ADAMTS16: variants seen among roughly 807,000 people sequenced by gnomAD.
The protein encoded by ADAMTS16 is A disintegrin and metalloproteinase with thrombospondin motifs 16.
ADAMTS16 carries 94 observed loss-of-function variants against 145.8 expected under a neutral mutation model. The observed-to-expected ratio is 0.64, with a 90% CI of 0.55 to 0.77. The LOEUF (loss-of-function observed/expected upper bound fraction) is 0.77, where lower values mean the gene tolerates loss of function less well. Among genes scored for constraint, ADAMTS16 ranks in the 30% least tolerant of loss-of-function variants. The pLI is 0.00. For missense variants in ADAMTS16, 1,585 were observed against 1,591.5 expected (o/e 1.00, Z 0.07); for synonymous variants, 659 against 604.3 (o/e 1.09, Z -1.33).
intron 8 of ADAMTS16, among the ~76,000 whole-genome samples, chr5:5,199,538 C>T (rs1735900991): frequency 6.6e-6 from 1 of 152,242 alleles, no homozygotes; most frequent in South Asian, 2.1e-4. Flanking sequence ...CCATCACAGC[C>T]TCCAGCAGTG....
chr5:5,264,267 G>A (rs547917780), intron 18 of ADAMTS16, among the ~76,000 whole-genome samples: 1 of 152,256 alleles, frequency 6.6e-6, no homozygotes, highest in Non-Finnish European at 1.5e-5. Flanking sequence ...TTTCACAGGG[G>A]ACCTGCCCCT....
chr5:5,312,699 T>C (rs943747376), intron 21 of ADAMTS16, among the ~76,000 whole-genome samples: 3 of 152,148 alleles, frequency 2.0e-5, no homozygotes, highest in African/African-American at 7.2e-5. Flanking sequence ...AGAAGTGGAT[T>C]CGCCCACTTC....
At chr5:5,286,918 T>C (rs1579381557) in intron 18 of ADAMTS16, among the ~76,000 whole-genome samples, 1 of 142,972 alleles carries the variant, frequency 7.0e-6, no homozygotes, top group South Asian at 2.2e-4. Flanking sequence ...TGCTAACATA[T>C]AGAACCTACT....
rs368319903 is a variant in ADAMTS16, at chr5:5,209,195, C to T, written c.1554C>T (p.Cys518=). 20 of 1,613,906 alleles carry T rather than the reference C, an allele frequency of 1.2e-5. No individual in the cohort carries two copies. The highest frequency in any genetic ancestry group is 1.7e-5 in the Admixed American group (1 of 60,010). The change falls in exon 10 of 23, where the codon TGC becomes TGT. Residue 518 remains cysteine (C), a synonymous_variant. Transcript: ENST00000274181. ...AATTATATGATGCAAACACACAGTG[C>T]AAGTGGCAGTTCGGAGAGAAAGCCA... ...PGELYDANTQ[C]KWQFGEKAKL...
chr5:5,291,783 C>CTA (rs1457002814), intron 18 of ADAMTS16, among the ~76,000 whole-genome samples: 1 of 152,098 alleles, frequency 6.6e-6, no homozygotes, highest in Non-Finnish European at 1.5e-5. Flanking sequence ...TGGTGCCTGG[C>CTA]TATAACTTTA....
intron 18 of ADAMTS16, among the ~76,000 whole-genome samples, chr5:5,289,040 A>G (rs1739204883): frequency 6.6e-6 from 1 of 152,170 alleles, no homozygotes; most frequent in African/African-American, 2.4e-5. Flanking sequence ...TTTAAAAGGA[A>G]CCAGAACTGG....
rs1579336150 is a variant in ADAMTS16 at position 5,242,340 on chromosome 5, C to A, written c.2662+149C>A. 1.1e-5 allele frequency: 13 copies of A among 1,141,150 alleles called. No individual in the cohort carries two copies. The East Asian group carries it at 3.6e-4, about 31-fold the overall frequency. The allele number at this position is 1,141,150 out of a possible 1,614,324, so 70.7% of individuals were successfully genotyped here. On this transcript the variant is annotated intron_variant, in intron 17 of 22. Transcript: ENST00000274181. ...CATTCCCAAGGTGGGGAGTGGTGGT[C>A]CTGAGTGTCACTTGTCGGCCCGAGC...
chr5:5,231,500 A>C (rs1736922886), intron 11 of ADAMTS16, among the ~76,000 whole-genome samples: 3 of 151,692 alleles, frequency 2.0e-5, no homozygotes, highest in African/African-American at 7.3e-5. Context: ...ACTTGACTTC[A>C]GGTCTCCCCA....
chr5:5,201,719 G>C (rs977311401), intron 9 of ADAMTS16, among the ~76,000 whole-genome samples: 2 of 152,106 alleles, frequency 1.3e-5, no homozygotes, highest in African/African-American at 4.8e-5. Flanking sequence ...AAGTCCCCAG[G>C]CTAGGAAACG....
chr5:5,314,784 TG>T (rs1297199522), intron 21 of ADAMTS16, among the ~76,000 whole-genome samples: 1 of 152,186 alleles, frequency 6.6e-6, no homozygotes, highest in African/African-American at 2.4e-5. Context: ...ATTCTGACAC[TG>T]TGCATCTTGG....
At chr5:5,277,316 C>T (rs772477818) in intron 18 of ADAMTS16, among the ~76,000 whole-genome samples, 7 of 152,170 alleles carry the variant, frequency 4.6e-5, no homozygotes, top group Admixed American at 6.5e-5. Context: ...TTCAGTTACT[C>T]GGCAGATACT....
chr5:5,226,490 T>C (rs1560957249), intron 11 of ADAMTS16, among the ~76,000 whole-genome samples: 1 of 152,188 alleles, frequency 6.6e-6, no homozygotes, highest in Admixed American at 6.5e-5. Flanking sequence ...CTGTGGGAGC[T>C]ACATTTCAGA....
chr5:5,187,645 G>A (rs895826998), intron 5 of ADAMTS16, 80 bp from the exon 6 acceptor site: 2 of 868,818 alleles, frequency 2.3e-6, no homozygotes, highest in Non-Finnish European at 3.9e-6. Flanking sequence ...AAGAACAAGG[G>A]CGTTGGATTC....
At chr5:5,222,939 A>C in intron 11 of ADAMTS16, 55 bp downstream of exon 11, 1 of 1,526,106 alleles carries the variant, frequency 6.6e-7, no homozygotes, top group Non-Finnish European at 9.1e-7. Flanking sequence ...CTTTCAACCC[A>C]TGCATCTTTG....
At chr5:5,305,021 A>G (rs1739994940) in intron 20 of ADAMTS16, among the ~76,000 whole-genome samples, 1 of 78,684 alleles carries the variant, frequency 1.3e-5, no homozygotes, top group Non-Finnish European at 2.8e-5. Context: ...CACCACACAC[A>G]CACACACACA....
intron 3 of ADAMTS16, chr5:5,176,205 T>G (rs1735191551): frequency 6.6e-6 from 1 of 152,280 alleles, no homozygotes; most frequent in Non-Finnish European, 1.5e-5. Flanking sequence ...AGGACAATGG[T>G]GAGAACGTCC....
intron 18 of ADAMTS16, among the ~76,000 whole-genome samples, chr5:5,268,834 G>A (rs1457572699): frequency 6.6e-6 from 1 of 152,164 alleles, no homozygotes; most frequent in African/African-American, 2.4e-5. Flanking sequence ...AGCAGCTGCA[G>A]CCCCTCAGGC....
rs566398075 is a variant in ADAMTS16 at position 5,232,613 on chromosome 5, T to C, written c.1850+97T>C. On this transcript the variant is annotated intron_variant, in intron 12 of 22. Transcript: ENST00000274181. ...TGTGTCTCAGCTCTTTTTTTTTTTTTTTTTTTTTGAGATGGAGTCTCGCTC... is the reference window on the plus strand; with the variant it reads ...TGTGTCTCAGCTCTTTTTTTTTTTTCTTTTTTTTGAGATGGAGTCTCGCTC... 1,744 of 1,489,716 alleles carry C rather than the reference T, an allele frequency of 1.2e-3. 6 individuals are homozygous for C. The highest frequency in any genetic ancestry group is 0.011 in the African/African-American group (760 of 69,098). 92.3% of individuals were successfully genotyped at this position (1,489,716 alleles called of 1,614,324 possible).
chr5:5,291,632 C>T (rs1051854570), intron 18 of ADAMTS16, among the ~76,000 whole-genome samples: 10 of 152,128 alleles, frequency 6.6e-5, no homozygotes, highest in Middle Eastern at 3.4e-3. Flanking sequence ...GCATCCTGAC[C>T]GCAGAGCCAC....
Sources: allele counts gnomAD v4.1 joint callset (sites outside exome capture counted in the v4.1 genomes callset), GRCh38; gene constraint gnomAD v4.1.1; transcripts MANE v1.5; gene names NCBI Gene and HGNC (gene_info 2026-07-23, HGNC 2026-07-21).